Variants in PRKCE observed in about 807,000 individuals in gnomAD.
PRKCE encodes the protein protein kinase C epsilon type.
PRKCE carries 16 observed loss-of-function variants against 85.4 expected under a neutral mutation model. The observed-to-expected ratio is 0.19, with a 90% CI of 0.13 to 0.28. The LOEUF is 0.28. Among genes scored for constraint, PRKCE ranks in the 10% least tolerant of loss-of-function variants. The pLI is 1.00. For synonymous variants in PRKCE, 388 were observed against 371.5 expected (o/e 1.04, Z -0.51); for missense variants, 573 against 975.2 (o/e 0.59, Z 5.49).
chr2:45,792,336 G>A (rs148093031), intron 1 of PRKCE, among the ~76,000 whole-genome samples: 1 of 152,120 alleles, frequency 6.6e-6, no homozygotes. Flanking sequence ...CCTCTCATGA[G>A]GCCCCACCTC....
At chr2:46,058,449 C>G (rs545292848) in intron 10 of PRKCE, among the ~76,000 whole-genome samples, 2 of 152,302 alleles carry the variant, frequency 1.3e-5, no homozygotes, top group South Asian at 4.1e-4. Context: ...ATCAACCAAA[C>G]TTCAACTAAA....
intron 1 of PRKCE, among the ~76,000 whole-genome samples, chr2:45,775,027 A>G (rs554701994): frequency 6.6e-6 from 1 of 152,258 alleles, no homozygotes; most frequent in South Asian, 2.1e-4. Flanking sequence ...CTTCTGGATG[A>G]TCTCCTCCCC....
intron 2 of PRKCE, among the ~76,000 whole-genome samples, chr2:45,878,900 T>A (rs1314873546): frequency 6.6e-6 from 1 of 152,214 alleles, no homozygotes; most frequent in Non-Finnish European, 1.5e-5. Context: ...AAATCAACTT[T>A]CTCTCTGTGG....
At chr2:46,105,881 C>A (rs945210196) in intron 11 of PRKCE, among the ~76,000 whole-genome samples, 3 of 152,194 alleles carry the variant, frequency 2.0e-5, no homozygotes, top group Non-Finnish European at 4.4e-5. Context: ...CATTCATTTA[C>A]ATTTTTCATG....
chr2:46,082,860 G>T (rs1181343099), intron 10 of PRKCE, among the ~76,000 whole-genome samples: 1 of 152,212 alleles, frequency 6.6e-6, no homozygotes, highest in Non-Finnish European at 1.5e-5. Context: ...TATAGCAACA[G>T]TCATAGCCAA....
chr2:46,086,239 A>G lies in PRKCE; in HGVS notation c.1469A>G (p.Asn490Ser), dbSNP rs755593871. Residue 490 changes from asparagine to serine, a missense_variant, in exon 11 of 15, where the codon AAT (asparagine) becomes AGT (serine). Asn to Ser is a conservative substitution (Grantham distance 46). This residue lies in a region of PRKCE where 89 missense variants were observed against 154.1 expected (regional missense o/e 0.58). Coordinates refer to ENST00000306156, the MANE Select transcript of PRKCE (RefSeq NM_005400.3). ...DRLFFVMEYV[N>S]GGDLMFQIQR... is the part of the protein sequence containing the mutation. ...CTCTTTTTCGTCATGGAATATGTAA[A>G]TGGTGGAGACCTCATGTTTCAGATT... 1 of 1,599,640 alleles carries G rather than the reference A, an allele frequency of 6.3e-7. No homozygotes were observed. The highest frequency in any genetic ancestry group is 1.7e-5 in the Admixed American group (1 of 59,996).
intron 10 of PRKCE, among the ~76,000 whole-genome samples, chr2:46,082,316 G>C (rs1669165214): frequency 6.6e-6 from 1 of 152,142 alleles, no homozygotes; most frequent in South Asian, 2.1e-4. Flanking sequence ...AGTATACAGG[G>C]AAAAAGGTAC....
intron 4 of PRKCE, among the ~76,000 whole-genome samples, chr2:45,979,969 A>G (rs1274942421): frequency 1.3e-5 from 2 of 152,176 alleles, no homozygotes; most frequent in African/African-American, 4.8e-5. Flanking sequence ...GCAGTGCTCC[A>G]TGGGAGGGCT....
At chr2:45,819,644 G>C (rs574330326) in intron 1 of PRKCE, among the ~76,000 whole-genome samples, 8 of 152,326 alleles carry the variant, frequency 5.3e-5, no homozygotes, top group African/African-American at 1.9e-4. Context: ...CTACAGATGG[G>C]ATGTGGGAGG....
chr2:45,917,574 G>A (rs1185501631), intron 2 of PRKCE, among the ~76,000 whole-genome samples: 3 of 152,210 alleles, frequency 2.0e-5, no homozygotes, highest in African/African-American at 4.8e-5. Context: ...GGTTCTCCAC[G>A]TCCCCACCAG....
chr2:46,082,059 A>G (rs536635494), intron 10 of PRKCE, among the ~76,000 whole-genome samples: 6 of 151,960 alleles, frequency 3.9e-5, no homozygotes, highest in Non-Finnish European at 5.9e-5. Flanking sequence ...ACACCATTAC[A>G]CTCCAGCCTG....
chr2:45,671,615 C>G (rs759893209), intron 1 of PRKCE, among the ~76,000 whole-genome samples: 15 of 152,106 alleles, frequency 9.9e-5, no homozygotes, highest in Non-Finnish European at 2.1e-4. Context: ...CACTTTCTTT[C>G]TCTTAGAGAA....
At chr2:45,984,012 A>G (rs1012271647) in intron 5 of PRKCE, among the ~76,000 whole-genome samples, 24 of 146,470 alleles carry the variant, frequency 1.6e-4, no homozygotes, top group Non-Finnish European at 2.2e-4. Context: ...ATCTTGGCTC[A>G]CTGCAACCTC....
chr2:46,011,865 A>G (rs1199261392), intron 10 of PRKCE, among the ~76,000 whole-genome samples: 2 of 152,222 alleles, frequency 1.3e-5, no homozygotes, highest in Non-Finnish European at 2.9e-5. Context: ...CTGATCTCTC[A>G]GGAGAATAAG....
At chr2:45,934,394 A>G (rs1699279435) in intron 2 of PRKCE, among the ~76,000 whole-genome samples, 1 of 152,160 alleles carries the variant, frequency 6.6e-6, no homozygotes, top group Non-Finnish European at 1.5e-5. Flanking sequence ...CATGCCTGTA[A>G]TCCCAGCACT....
At chr2:45,816,196 A>T (rs1689025477) in intron 1 of PRKCE, among the ~76,000 whole-genome samples, 1 of 152,126 alleles carries the variant, frequency 6.6e-6, no homozygotes, top group South Asian at 2.1e-4. Context: ...TCATGTGTGG[A>T]CTTTCCCAGT....
At chr2:45,885,542 A>C (rs904451317) in intron 2 of PRKCE, among the ~76,000 whole-genome samples, 1 of 152,234 alleles carries the variant, frequency 6.6e-6, no homozygotes, top group Non-Finnish European at 1.5e-5. Flanking sequence ...GGACCACTTC[A>C]TTTAAAAAAG....
chr2:45,869,203 C>A (rs1194645788), intron 2 of PRKCE, among the ~76,000 whole-genome samples: 1 of 152,150 alleles, frequency 6.6e-6, no homozygotes, highest in East Asian at 1.9e-4. Context: ...ATTTAAAAAT[C>A]AGTAACTTGA....
At chr2:45,810,592 T>A (rs78018496) in intron 1 of PRKCE, among the ~76,000 whole-genome samples, 191 of 151,896 alleles carry the variant, frequency 1.3e-3, no homozygotes, top group African/African-American at 4.5e-3. Context: ...TCATTTGCAA[T>A]GTTTTGGGGA....
Sources: allele counts gnomAD v4.1 joint callset (sites outside exome capture counted in the v4.1 genomes callset), GRCh38; gene constraint gnomAD v4.1.1; regional missense constraint gnomAD v4.1.1; transcripts MANE v1.5; gene names NCBI Gene and HGNC (gene_info 2026-07-23, HGNC 2026-07-21).